SAXO1: variants seen among roughly 807,000 people sequenced by gnomAD.
SAXO1 encodes the protein 4930500O09Rik.
SAXO1 carries 21 observed loss-of-function variants against 17.5 expected under a neutral mutation model. The ratio of observed to expected loss-of-function variants is 1.20; its 90% CI spans 0.85 to 1.72. SAXO1 has a LOEUF of 1.72. Among genes scored for constraint, SAXO1 ranks in the 40% most tolerant of loss-of-function variants. The pLI, the probability that SAXO1 is intolerant of heterozygous loss-of-function variation, is 0.00. For synonymous variants in SAXO1, 274 were observed against 216.5 expected, an observed-to-expected ratio of 1.27 and a Z score of -2.33; for missense variants, 843 against 596.0, an observed-to-expected ratio of 1.41 and a Z score of -4.32.
At chr9:19,035,403 T>A (rs917834408), upstream of SAXO1, among the ~76,000 whole-genome samples, 1 of 152,156 alleles carries the variant, frequency 6.6e-6, no homozygotes, top group Non-Finnish European at 1.5e-5. Flanking sequence ...TCCCCAGCCA[T>A]GTGGAACTGT....
rs35562117 is a variant in SAXO1, at chr9:18,928,085, G to A, written c.1392C>T (p.Asn464=). The change falls in exon 4 of 4, where the codon AAC becomes AAT. Residue 464 remains asparagine, a synonymous_variant. Coordinates refer to ENST00000380534, the MANE Select transcript of SAXO1 (RefSeq NM_153707.4). ...SSHLSVDDSE[N]PNQRELEVLA is the part of the protein sequence containing the mutation. ...ACACTTCCAACTCCCTCTGGTTGGGGTTTTCTGAATCATCTACAGAAAGAT... is the reference window on the plus strand; with the variant it reads ...ACACTTCCAACTCCCTCTGGTTGGGATTTTCTGAATCATCTACAGAAAGAT... The A allele has an allele frequency of 9.3e-6, 15 of 1,610,276 alleles. No individual in the cohort carries two copies. In the East Asian group the frequency reaches 2.9e-4, roughly 31 times the overall value.
chr9:18,967,483 G>T (rs532203001), intron 1 of SAXO1, among the ~76,000 whole-genome samples: 1 of 152,314 alleles, frequency 6.6e-6, no homozygotes, highest in South Asian at 2.1e-4. Context: ...TGGCTACAGT[G>T]GCTTTGCCAC....
At chr9:18,951,972 T>A (rs1015259341) in intron 1 of SAXO1, among the ~76,000 whole-genome samples, 3 of 152,230 alleles carry the variant, frequency 2.0e-5, no homozygotes, top group African/African-American at 7.2e-5. Context: ...TTATACCTAG[T>A]GATGAATGAA....
intron 1 of SAXO1, among the ~76,000 whole-genome samples, chr9:19,020,037 A>AG (rs1363457913): frequency 1.3e-5 from 2 of 151,178 alleles, no homozygotes; most frequent in Non-Finnish European, 2.9e-5. Flanking sequence ...AAAAAAAAAA[A>AG]AGTGTCCACG....
Position 18,927,678 on chromosome 9 carries a change from T to G in SAXO1, c.*374A>C, listed in dbSNP as rs776398393. The G allele has an allele frequency of 1.2e-5, 2 of 171,406 alleles. No individual in the cohort carries two copies. Among genetic ancestry groups the G allele is most frequent in the South Asian group, 3.6e-4 (2 of 5,592 alleles). The allele number at this position is 171,406 out of a possible 1,614,324, so 10.6% of individuals were successfully genotyped here. On this transcript the variant is annotated 3_prime_UTR_variant, in exon 4 of 4. Transcript: ENST00000380534. ...AGATTCATTCCCCCCAAAATAAAATTTATTCTTTGGCGCTTCATACTTGGC... is the reference window on the plus strand; with the variant it reads ...AGATTCATTCCCCCCAAAATAAAATGTATTCTTTGGCGCTTCATACTTGGC...
At chr9:18,987,441 A>C (rs1411556660) in intron 1 of SAXO1, among the ~76,000 whole-genome samples, 1 of 152,246 alleles carries the variant, frequency 6.6e-6, no homozygotes, top group Non-Finnish European at 1.5e-5. Flanking sequence ...ACTGCAGCAC[A>C]GACTAGTATT....
At chr9:18,952,795 A>T (rs1373408298) in intron 1 of SAXO1, among the ~76,000 whole-genome samples, 2 of 152,246 alleles carry the variant, frequency 1.3e-5, no homozygotes, top group Admixed American at 1.3e-4. Context: ...TACAATCAAG[A>T]AAAGTGTGCT....
intron 1 of SAXO1, among the ~76,000 whole-genome samples, chr9:18,958,601 T>C (rs1428380727): frequency 1.3e-5 from 2 of 152,060 alleles, no homozygotes; most frequent in Non-Finnish European, 2.9e-5. Context: ...TAGCAGTCGC[T>C]GCCTGAGTGC....
intron 1 of SAXO1, among the ~76,000 whole-genome samples, chr9:19,043,845 AC>A (rs1327169107): frequency 6.6e-6 from 1 of 152,140 alleles, no homozygotes; most frequent in African/African-American, 2.4e-5. Flanking sequence ...TTCAAAAATA[AC>A]TAAAAGAGTA....
chr9:18,969,576 T>C (rs553496730), intron 1 of SAXO1, among the ~76,000 whole-genome samples: 3 of 152,346 alleles, frequency 2.0e-5, no homozygotes, highest in South Asian at 2.1e-4. Flanking sequence ...TATCACAGCA[T>C]TAAGTCCACA....
chr9:19,017,479 G>A (rs990281253), intron 1 of SAXO1, among the ~76,000 whole-genome samples: 2 of 152,222 alleles, frequency 1.3e-5, no homozygotes, highest in African/African-American at 2.4e-5. Flanking sequence ...CATGGCCAGT[G>A]ACAGTTGTTG....
rs188670619 is a variant in SAXO1, at chr9:18,999,768, C to T, written c.38+33103G>A. On this transcript the variant is annotated intron_variant, in intron 1 of 3. Transcript: ENST00000380534. ...GGAAGTGAGGAGCGCCTCTGCCCGG[C>T]CGCCACACCATCTGGAGAGTGAGGA... Among the ~76,000 whole-genome samples the T allele has an allele frequency of 2.9e-3, 426 of 148,798 alleles. 1 individual carries two copies. The highest frequency in any genetic ancestry group is 0.01 in the African/African-American group (404 of 39,898).
At chr9:19,039,375 TA>T (rs1015212753) in intron 1 of SAXO1, among the ~76,000 whole-genome samples, 1 of 152,184 alleles carries the variant, frequency 6.6e-6, no homozygotes, top group African/African-American at 2.4e-5. Context: ...AGTTTGAGGT[TA>T]AAAAAATGTT....
At chr9:18,992,137 C>T (rs1184474403) in intron 1 of SAXO1, among the ~76,000 whole-genome samples, 1 of 152,180 alleles carries the variant, frequency 6.6e-6, no homozygotes, top group Non-Finnish European at 1.5e-5. Context: ...ATAAAGTTGC[C>T]TATTCCCCAC....
intron 1 of SAXO1, among the ~76,000 whole-genome samples, chr9:18,982,868 AC>A (rs1202888642): frequency 6.6e-6 from 1 of 152,218 alleles, no homozygotes; most frequent in Non-Finnish European, 1.5e-5. Flanking sequence ...ACAGTCTTAG[AC>A]TTCAGAGTCC....
At chr9:18,976,824 T>G (rs1045853169) in intron 1 of SAXO1, among the ~76,000 whole-genome samples, 2 of 152,182 alleles carry the variant, frequency 1.3e-5, no homozygotes, top group Non-Finnish European at 2.9e-5. Flanking sequence ...CTGGTTTAGC[T>G]AGTGCATACA....
intron 1 of SAXO1, among the ~76,000 whole-genome samples, chr9:19,019,575 A>AAAAATTACC (rs1209999510): frequency 6.6e-6 from 1 of 152,068 alleles, no homozygotes; most frequent in African/African-American, 2.4e-5. Context: ...CAAAAACTAC[A>AAAAATTACC]AAAATTACCC....
chr9:19,023,974 A>G (rs1835361855), intron 1 of SAXO1, among the ~76,000 whole-genome samples: 1 of 125,282 alleles, frequency 8.0e-6, no homozygotes, highest in African/African-American at 3.2e-5. Flanking sequence ...CCTCATCTCT[A>G]TATTTTAAAA....
chr9:19,019,804 G>C (rs1158003421), intron 1 of SAXO1, among the ~76,000 whole-genome samples: 1 of 152,058 alleles, frequency 6.6e-6, no homozygotes, highest in African/African-American at 2.4e-5. Context: ...TTCTTTATTA[G>C]TATTGACCCC....
Sources: allele counts gnomAD v4.1 joint callset (sites outside exome capture counted in the v4.1 genomes callset), GRCh38; gene constraint gnomAD v4.1.1; transcripts MANE v1.5; gene names NCBI Gene and HGNC (gene_info 2026-07-23, HGNC 2026-07-21).